Variants in NAV3 observed in about 807,000 individuals in gnomAD.
NAV3 encodes neuron navigator 3, also known as pore membrane and/or filament interacting like protein 1.
Under a neutral mutation model 244.7 loss-of-function variants are expected in NAV3, and 87 were observed. The ratio of observed to expected loss-of-function variants is 0.36; its 90% confidence interval spans 0.30 to 0.42. The LOEUF (loss-of-function observed/expected upper bound fraction) is 0.42. Ranked by LOEUF, NAV3 falls within the 20% of genes least tolerant of loss-of-function variation. The pLI is 1.00. For synonymous variants in NAV3, 1,126 were observed against 1,042.2 expected, an observed-to-expected ratio of 1.08 and a Z score of -1.55; for missense variants, 2,663 against 2,893.3, an observed-to-expected ratio of 0.92 and a Z score of 1.83.
At chr12:77,864,172 C>A (rs1371862472) in intron 1 of NAV3, among the ~76,000 whole-genome samples, 1 of 151,720 alleles carries the variant, frequency 6.6e-6, no homozygotes, top group Non-Finnish European at 1.5e-5. Flanking sequence ...CTTCCTTCAC[C>A]CCTTATTTAT....
intron 3 of NAV3, among the ~76,000 whole-genome samples, chr12:77,949,072 A>G (rs1368001972): frequency 2.0e-5 from 3 of 152,120 alleles, no homozygotes; most frequent in Admixed American, 2.0e-4. Flanking sequence ...TAGACACAGA[A>G]AATATATTGA....
intron 1 of NAV3, among the ~76,000 whole-genome samples, chr12:77,894,790 A>G (rs773314842): frequency 1.6e-4 from 25 of 152,194 alleles, no homozygotes; most frequent in Non-Finnish European, 2.9e-4. Context: ...CTCATTGCTG[A>G]CATGCAAGAA....
upstream of NAV3, among the ~76,000 whole-genome samples, chr12:77,828,193 A>G (rs187162645): frequency 1.3e-5 from 2 of 152,290 alleles, no homozygotes; most frequent in South Asian, 2.1e-4. Context: ...TCATGAGAGT[A>G]TAATCCGTTA....
chr12:77,935,156 T>C (rs775857777), intron 1 of NAV3, among the ~76,000 whole-genome samples: 3 of 152,152 alleles, frequency 2.0e-5, no homozygotes, highest in Admixed American at 6.5e-5. Flanking sequence ...CTAAAATAAA[T>C]AATTTTTAAA....
intron 2 of NAV3, among the ~76,000 whole-genome samples, chr12:77,711,904 T>C (rs1452915836): frequency 6.6e-6 from 1 of 152,210 alleles, no homozygotes; most frequent in Non-Finnish European, 1.5e-5. Flanking sequence ...GGTTTTATGA[T>C]TTCTCTGGTG....
intron 6 of NAV3, among the ~76,000 whole-genome samples, chr12:77,996,467 A>G (rs1367089483): frequency 6.6e-6 from 1 of 152,268 alleles, no homozygotes; most frequent in African/African-American, 2.4e-5. Flanking sequence ...ACCAATTATC[A>G]GCCATATATA....
intron 31 of NAV3, among the ~76,000 whole-genome samples, chr12:78,187,422 T>C (rs1958772122): frequency 6.6e-6 from 1 of 151,870 alleles, no homozygotes; most frequent in African/African-American, 2.4e-5. Flanking sequence ...ATGTCAACTA[T>C]CTAATTATAT....
At chr12:77,732,446 G>A (rs1353801456) in intron 2 of NAV3, among the ~76,000 whole-genome samples, 2 of 151,964 alleles carry the variant, frequency 1.3e-5, no homozygotes, top group Admixed American at 6.6e-5. Flanking sequence ...TAGGACATCA[G>A]CAGTGCGTGT....
At chr12:78,123,548 C>CCAGA (rs758436398) in intron 16 of NAV3, among the ~76,000 whole-genome samples, 14 of 152,034 alleles carry the variant, frequency 9.2e-5, no homozygotes, top group Non-Finnish European at 1.8e-4. Flanking sequence ...AAAACAAAAC[C>CCAGA]CAGAGCAAAA....
intron 2 of NAV3, among the ~76,000 whole-genome samples, chr12:77,603,281 A>G (rs1465930973): frequency 6.6e-6 from 1 of 152,096 alleles, no homozygotes; most frequent in African/African-American, 2.4e-5. Flanking sequence ...AAATAAGGTA[A>G]TAACTAAGAT....
chr12:78,080,061 T>C (rs1012076519), intron 12 of NAV3, among the ~76,000 whole-genome samples: 1 of 152,194 alleles, frequency 6.6e-6, no homozygotes, highest in Non-Finnish European at 1.5e-5. Context: ...TCCCCACCCA[T>C]TTTGTTGACA....
rs548519925 is a variant in NAV3, at chr12:77,677,173, A to T, written c.72+104907A>T. Among the ~76,000 whole-genome samples, 322 of 152,314 alleles carry T rather than the reference A, an allele frequency of 2.1e-3. 1 individual carries two copies. The highest frequency in any genetic ancestry group is 7.4e-3 in the African/African-American group (308 of 41,576). On this transcript the variant is annotated intron_variant, in intron 2 of 8. Transcript: ENST00000550042. ...GAGATAGTTTCAGTTTGAGGCTAAGAAGTAATTCACTTATGCAACAAATAT... is the reference window on the plus strand; with the variant it reads ...GAGATAGTTTCAGTTTGAGGCTAAGTAGTAATTCACTTATGCAACAAATAT...
intron 2 of NAV3, among the ~76,000 whole-genome samples, chr12:77,576,937 C>T (rs1246744409): frequency 6.6e-6 from 1 of 151,904 alleles, no homozygotes. Flanking sequence ...GAAACAACAT[C>T]GTATCATTTA....
intron 34 of NAV3, 60 bp from the exon 35 acceptor site, chr12:78,197,187 A>T: frequency 7.7e-7 from 1 of 1,304,452 alleles, no homozygotes; most frequent in East Asian, 2.7e-5. Context: ...TAAAATATTA[A>T]CTGCTTCCTA....
intron 1 of NAV3, among the ~76,000 whole-genome samples, chr12:77,871,418 C>T (rs1054639839): frequency 2.0e-5 from 3 of 152,116 alleles, no homozygotes; most frequent in African/African-American, 7.2e-5. Flanking sequence ...AGGTATTTCT[C>T]TTAATGTTAT....
chr12:77,906,493 A>G (rs1885990769), intron 1 of NAV3, among the ~76,000 whole-genome samples: 1 of 151,478 alleles, frequency 6.6e-6, no homozygotes, highest in Non-Finnish European at 1.5e-5. Flanking sequence ...TGAATGATAT[A>G]TTGAGACAAT....
chr12:78,165,369 T>A (rs1214367226), intron 23 of NAV3, among the ~76,000 whole-genome samples: 1 of 152,048 alleles, frequency 6.6e-6, no homozygotes, highest in African/African-American at 2.4e-5. Flanking sequence ...AATGACTGAA[T>A]TGGAAGAGTA....
At chr12:77,975,134 ATTAGT>A (rs1000387676) in intron 5 of NAV3, among the ~76,000 whole-genome samples, 2 of 152,184 alleles carry the variant, frequency 1.3e-5, no homozygotes, top group African/African-American at 4.8e-5. Context: ...AACCCCTTTA[ATTAGT>A]TTAGATTTTT....
chr12:78,110,310 T>C (rs144372422), intron 12 of NAV3, among the ~76,000 whole-genome samples: 104 of 152,130 alleles, frequency 6.8e-4, no homozygotes, highest in African/African-American at 2.4e-3. Flanking sequence ...TTGAGAAACA[T>C]CCCATGTTTA....
Sources: allele counts gnomAD v4.1 joint callset (sites outside exome capture counted in the v4.1 genomes callset), GRCh38; gene constraint gnomAD v4.1.1; transcripts MANE v1.5; gene names NCBI Gene and HGNC (gene_info 2026-07-23, HGNC 2026-07-21).